COL7A1: variants seen among roughly 807,000 people sequenced by gnomAD.
COL7A1 encodes collagen type VII alpha 1 chain.
Under a neutral mutation model 456.2 loss-of-function variants are expected in COL7A1, and 296 were observed. The observed-to-expected ratio is 0.65, with a 90% CI of 0.59 to 0.71. COL7A1 has a LOEUF of 0.71. COL7A1 is among the 30% of genes least tolerant of loss of function. The pLI is 0.00. For synonymous variants in COL7A1, 1,464 were observed against 1,525.9 expected, an observed-to-expected ratio of 0.96 and a Z score of 0.95; for missense variants, 3,441 against 4,017.2, an observed-to-expected ratio of 0.86 and a Z score of 3.88.
In COL7A1 at chr3:48,592,666, G is replaced by A; in HGVS notation, c.880C>T (p.Leu294=). The A allele has an allele frequency of 1.2e-6, 2 of 1,613,804 alleles. No individual in the cohort carries two copies. The highest frequency in any genetic ancestry group is 1.7e-6 in the Non-Finnish European group (2 of 1,179,996). Residue 294 remains leucine (L), a synonymous_variant, in exon 8 of 119, where the codon CTG becomes TTG. Transcript: ENST00000681320. This position sits in a 1 kb window ranked among gnomAD's most constrained non-coding sequence, Gnocchi z 7.6. ...TCGGTCAGTGGCCGGAGACCCCGCA[G>A]CCGCACACTGGTCTCACCAGCTGGG... ...NVPAGETSVR[L]RGLRPLTEYQ... is the part of the protein sequence containing the mutation.
chr3:48,585,636 G>A lies in COL7A1; in HGVS notation c.3832-17C>T. Reference sequence around the variant, plus strand: ...GGTCCTGCCCTGAAAGAAGATAGCAGTTAGGTGGGGATAAGCCAGTCAGGG... The same window carrying A: ...GGTCCTGCCCTGAAAGAAGATAGCAATTAGGTGGGGATAAGCCAGTCAGGG... On this transcript the variant is annotated splice_polypyrimidine_tract_variant and intron_variant, in intron 31 of 118. Transcript: ENST00000681320. The surrounding 1 kb of genome is among the most constrained non-coding windows in gnomAD (Gnocchi z 4.5). 6.2e-7 allele frequency: 1 copy of A among 1,614,018 alleles called. No individual in the cohort carries two copies. The highest frequency in any genetic ancestry group is 1.1e-5 in the South Asian group (1 of 91,088).
Position 48,593,351 on chromosome 3 carries a change from C to CT in COL7A1, c.520+4dup. On this transcript the variant is annotated splice_donor_region_variant and intron_variant, in intron 5 of 118. Coordinates refer to ENST00000681320, the MANE Select transcript of COL7A1 (RefSeq NM_000094.4). This position sits in a 1 kb window ranked among gnomAD's most constrained non-coding sequence, Gnocchi z 4.4. ...GCTGACCTGTCACTCCTGCTCGGTC[C>CT]TTACCCACAGCAAATAGCTTGACCC... 2 of 1,614,066 alleles carry CT rather than the reference C, an allele frequency of 1.2e-6. No homozygotes were observed. The highest frequency in any genetic ancestry group is 2.2e-5 in the South Asian group (2 of 91,074).
Position 48,581,624 on chromosome 3 carries a change from G to C in COL7A1, c.4731C>G (p.Pro1577=). 1.2e-6 allele frequency: 2 copies of C among 1,614,182 alleles called. No homozygotes were observed. The highest frequency in any genetic ancestry group is 1.7e-6 in the Non-Finnish European group (2 of 1,180,044). Residue 1577 remains proline, a synonymous_variant, in exon 50 of 119, where the codon CCC becomes CCG. Coordinates refer to ENST00000681320, the MANE Select transcript of COL7A1 (RefSeq NM_000094.4). This position sits in a 1 kb window ranked among gnomAD's most constrained non-coding sequence, Gnocchi z 5.8. ...ATGVQGERGP[P]GLVLPGDPGP... is the part of the protein sequence containing the mutation. ...CAGGGTCTCCAGGAAGAACCAAGCC[G>C]GGTGGGCCCTGTGGATGGAAGGATA...
In COL7A1 at chr3:48,570,574, C is replaced by G; in HGVS notation, c.7344+65G>C. The G allele has an allele frequency of 6.2e-7, 1 of 1,613,522 alleles. No individual in the cohort carries two copies. Among genetic ancestry groups the G allele is most frequent in the Non-Finnish European group, 8.5e-7 (1 of 1,179,644 alleles). Reference sequence around the variant, plus strand: ...CCCAACACCCCACAGTGTGGCCCGCCCCATCCTAAGTCCTCACGAGGACAG... The same window carrying G: ...CCCAACACCCCACAGTGTGGCCCGCGCCATCCTAAGTCCTCACGAGGACAG... On this transcript the variant is annotated intron_variant, in intron 96 of 118. Transcript: ENST00000681320. This position sits in a 1 kb window ranked among gnomAD's most constrained non-coding sequence, Gnocchi z 5.5.
Position 48,579,830 on chromosome 3 carries a change from C to T in COL7A1, c.5125-16G>A, listed in dbSNP as rs776444474. On this transcript the variant is annotated splice_polypyrimidine_tract_variant and intron_variant, in intron 57 of 118. Coordinates refer to ENST00000681320, the MANE Select transcript of COL7A1 (RefSeq NM_000094.4). This position sits in a 1 kb window ranked among gnomAD's most constrained non-coding sequence, Gnocchi z 4.4. The stretch of plus-strand genomic sequence containing the variant: ...CTGTGTCTACCTGTGGGGGGAATGA[C>T]CAGTGAGAAGAATGGCTCAACAAGG... The T allele has an allele frequency of 1.2e-6, 2 of 1,613,850 alleles. No individual in the cohort carries two copies. Among genetic ancestry groups the T allele is most frequent in the East Asian group, 2.2e-5 (1 of 44,878 alleles).
Position 48,575,129 on chromosome 3 carries a change from G to T in COL7A1, c.6217-3C>A. 1.2e-6 allele frequency: 2 copies of T among 1,613,838 alleles called. No homozygotes were observed. The highest frequency in any genetic ancestry group is 8.5e-7 in the Non-Finnish European group (1 of 1,179,916). On this transcript the variant is annotated splice_polypyrimidine_tract_variant and splice_region_variant and intron_variant, in intron 75 of 118. Coordinates refer to ENST00000681320, the MANE Select transcript of COL7A1 (RefSeq NM_000094.4). The surrounding 1 kb of genome is among the most constrained non-coding windows in gnomAD (Gnocchi z 6.3). ...AGTCCAGGAGGGCCATCTCTGCCCT[G>T]CAGGAAACAAGAAAATGGGGTGGCA...
rs537748623 is a variant in COL7A1 at position 48,595,095 on chromosome 3, C to T, written c.65G>A (p.Arg22Gln). The T allele has an allele frequency of 1.8e-5, 28 of 1,552,508 alleles. No homozygotes were observed. The highest frequency in any genetic ancestry group is 3.6e-5 in the South Asian group (3 of 84,192). The stretch of plus-strand genomic sequence containing the variant: ...CCCACCTCTCTCCCTGTGCTGGGCT[C>T]GCACTCGGGGCGCCTCTGCCAGGAT... ...AGILAEAPRV[R>Q]AQHRERVTCT... Residue 22 changes from arginine to glutamine, a missense_variant, in exon 2 of 119, where the codon CGA becomes CAA. Around this residue, in one of 3 missense-constraint regions of COL7A1, gnomAD observed 913 missense variants for 1,088.2 expected, o/e 0.84. Coordinates refer to ENST00000681320, the MANE Select transcript of COL7A1 (RefSeq NM_000094.4).
rs770802348 is a variant in COL7A1, at chr3:48,566,640, G to C, written c.8304+20C>G. On this transcript the variant is annotated intron_variant, in intron 112 of 118. Coordinates refer to ENST00000681320, the MANE Select transcript of COL7A1 (RefSeq NM_000094.4). This position sits in a 1 kb window ranked among gnomAD's most constrained non-coding sequence, Gnocchi z 5.9. Reference sequence around the variant, plus strand: ...GAAGTCACCCCGATCTCTGACCCAAGCCTTGGAATCCCTACTCACCTGCTC... The same window carrying C: ...GAAGTCACCCCGATCTCTGACCCAACCCTTGGAATCCCTACTCACCTGCTC... The C allele has an allele frequency of 1.4e-5, 23 of 1,614,148 alleles. 1 individual carries two copies. The South Asian group carries it at 2.5e-4, about 18-fold the overall frequency.
chr3:48,590,080 TGAGGGAG>T lies in COL7A1; in HGVS notation c.2050+126_2050+132del. On this transcript the variant is annotated intron_variant, in intron 16 of 118. Coordinates refer to ENST00000681320, the MANE Select transcript of COL7A1 (RefSeq NM_000094.4). This position sits in a 1 kb window ranked among gnomAD's most constrained non-coding sequence, Gnocchi z 4.6. ...GAAACTGAAGAGGAAGCAGCGTCTC[TGAGGGAG>T]GAGGGAGTGGGATTCTGAAGGGGGA... 1 of 989,346 alleles carries T rather than the reference TGAGGGAG, an allele frequency of 1.0e-6. No individual in the cohort carries two copies. The highest frequency in any genetic ancestry group is 1.5e-6 in the Non-Finnish European group (1 of 670,430). The allele number at this position is 989,346 out of a possible 1,614,324, so 61.3% of individuals were successfully genotyped here. A position where few individuals can be genotyped will look rare whatever the true frequency, so the allele number is the denominator to read the frequency against.
rs1215121942 is a variant in COL7A1 at position 48,566,649 on chromosome 3, T to C, written c.8304+11A>G. Reference sequence around the variant, plus strand: ...CCGATCTCTGACCCAAGCCTTGGAATCCCTACTCACCTGCTCCCCTCTCTC... The same window carrying C: ...CCGATCTCTGACCCAAGCCTTGGAACCCCTACTCACCTGCTCCCCTCTCTC... On this transcript the variant is annotated intron_variant, in intron 112 of 118. Transcript: ENST00000681320. This position sits in a 1 kb window ranked among gnomAD's most constrained non-coding sequence, Gnocchi z 5.9. 9 of 1,613,948 alleles carry C rather than the reference T, an allele frequency of 5.6e-6. No homozygotes were observed. Among genetic ancestry groups the C allele is most frequent in the African/African-American group, 2.7e-5 (2 of 74,900 alleles).
chr3:48,574,689 G>C lies in COL7A1; in HGVS notation c.6381C>G (p.Pro2127=), dbSNP rs1379032884. ...GEPGSNGDQG[P]KGDRGVPGIK... ...AGAGAGGCCTCACCCTGTCTCCTTTGGGACCTTGGTCACCATTGCTGCCCG... is the reference window on the plus strand; with the variant it reads ...AGAGAGGCCTCACCCTGTCTCCTTTCGGACCTTGGTCACCATTGCTGCCCG... The change falls in exon 78 of 119, where the codon CCC becomes CCG. Residue 2127 remains proline, a synonymous_variant. Coordinates refer to ENST00000681320, the MANE Select transcript of COL7A1 (RefSeq NM_000094.4). The surrounding 1 kb of genome is among the most constrained non-coding windows in gnomAD (Gnocchi z 5.0). The C allele has an allele frequency of 6.2e-7, 1 of 1,613,924 alleles. No homozygotes were observed. Among genetic ancestry groups the C allele is most frequent in the Non-Finnish European group, 8.5e-7 (1 of 1,180,006 alleles).
rs756141131 is a variant in COL7A1, at chr3:48,570,944, G to A, written c.7189C>T (p.Pro2397Ser). The stretch of plus-strand genomic sequence containing the variant: ...AACCCAACAACACCAGGAGCACCGG[G>A]CAGGCCAGGGAGGCCCAGATCTCCC... ...VKGDLGLPGL[P>S]GAPGVVGFPG... The change falls in exon 95 of 119, where the codon CCC becomes TCC. Residue 2397 changes from proline (P) to serine (S), a missense_variant. Transcript: ENST00000681320. The surrounding 1 kb of genome is among the most constrained non-coding windows in gnomAD (Gnocchi z 5.5). 6.2e-7 allele frequency: 1 copy of A among 1,613,690 alleles called. No homozygotes were observed. The highest frequency in any genetic ancestry group is 1.7e-5 in the Admixed American group (1 of 59,974).
At position 48,583,260 on chromosome 3, in the gene COL7A1, C is replaced by A; in HGVS notation, c.4438-89G>T. On this transcript the variant is annotated intron_variant, in intron 42 of 118. Coordinates refer to ENST00000681320, the MANE Select transcript of COL7A1 (RefSeq NM_000094.4). This position sits in a 1 kb window ranked among gnomAD's most constrained non-coding sequence, Gnocchi z 5.1. ...AACCCCAGACAAGGGGTCCCAAACT[C>A]CAACCACCCCCTCCAAAACCACGAC... The A allele has an allele frequency of 6.2e-7, 1 of 1,602,178 alleles. No individual in the cohort carries two copies. The highest frequency in any genetic ancestry group is 1.3e-5 in the African/African-American group (1 of 74,514).
chr3:48,595,018 G>C, intron 2 of COL7A1, 57 bp downstream of exon 2: 1 of 1,391,768 alleles, frequency 7.2e-7, no homozygotes, highest in Non-Finnish European at 9.9e-7. Flanking sequence ...AGGCCGAGTG[G>C]AGCGGAGGGT....
Position 48,583,684 on chromosome 3 carries a change from C to A in COL7A1, c.4341+34G>T. The A allele has an allele frequency of 1.2e-6, 2 of 1,613,898 alleles. No homozygotes were observed. Among genetic ancestry groups the A allele is most frequent in the Non-Finnish European group, 1.7e-6 (2 of 1,179,868 alleles). ...GCCCCCAGCACGCAGCCTCCCACCC[C>A]AGAACTGGGACATCATCAAGTCAGC... On this transcript the variant is annotated intron_variant, in intron 40 of 118. Transcript: ENST00000681320. The surrounding 1 kb of genome is among the most constrained non-coding windows in gnomAD (Gnocchi z 5.1).
chr3:48,588,685 G>T lies in COL7A1; in HGVS notation c.2544C>A (p.Val848=). Reference sequence around the variant, plus strand: ...AGACAGGTGTGCCCTCGCGGTCCCCGACAAGTGCAGTCACTCGCACTGAGT... The same window carrying T: ...AGACAGGTGTGCCCTCGCGGTCCCCTACAAGTGCAGTCACTCGCACTGAGT... ...VSYSVRVTAL[V]GDREGTPVSI... Residue 848 remains valine (V), a synonymous_variant, in exon 20 of 119, where the codon GTC becomes GTA. Coordinates refer to ENST00000681320, the MANE Select transcript of COL7A1 (RefSeq NM_000094.4). This position sits in a 1 kb window ranked among gnomAD's most constrained non-coding sequence, Gnocchi z 4.6. 6.2e-7 allele frequency: 1 copy of T among 1,613,862 alleles called. No homozygotes were observed. Among genetic ancestry groups the T allele is most frequent in the Non-Finnish European group, 8.5e-7 (1 of 1,180,046 alleles).
Position 48,564,930 on chromosome 3 carries a change from G to A in COL7A1, c.8671C>T (p.Arg2891Cys), listed in dbSNP as rs748706824. The A allele has an allele frequency of 9.3e-6, 15 of 1,614,092 alleles. No homozygotes were observed. The highest frequency in any genetic ancestry group is 5.3e-5 in the African/African-American group (4 of 74,932). The part of the protein sequence containing the change: ...DEGSCTAYTL[R>C]WYHRAVTGST... ...CCTGTCACAGCCCGATGGTACCAGC[G>A]CAGGGTGTAGGCAGTGCAGGAGCCC... Residue 2891 changes from arginine to cysteine, a missense_variant, in exon 118 of 119, where the codon CGC becomes TGC. By Grantham distance (180) the Arg-to-Cys change is radical (BLOSUM62 -3). Around this residue, in one of 3 missense-constraint regions of COL7A1, gnomAD observed 2,084 missense variants for 2,501.3 expected, o/e 0.83. Coordinates refer to ENST00000681320, the MANE Select transcript of COL7A1 (RefSeq NM_000094.4). This position sits in a 1 kb window ranked among gnomAD's most constrained non-coding sequence, Gnocchi z 6.0.
rs375952888 is a variant in COL7A1, at chr3:48,572,843, C to T, written c.6831+19G>A. The T allele has an allele frequency of 3.7e-6, 6 of 1,613,636 alleles. No individual in the cohort carries two copies. The African/African-American group carries it at 6.7e-5, about 18-fold the overall frequency. ...CAGCTGGGCACCACACCCTAGCGAG[C>T]TGCCCCCAGAACACATACTGGCACA... On this transcript the variant is annotated intron_variant, in intron 87 of 118. Transcript: ENST00000681320. This position sits in a 1 kb window ranked among gnomAD's most constrained non-coding sequence, Gnocchi z 4.6.
chr3:48,569,357 C>T lies in COL7A1; in HGVS notation c.7686+18G>A. 1.2e-6 allele frequency: 2 copies of T among 1,613,286 alleles called. No individual in the cohort carries two copies. Among genetic ancestry groups the T allele is most frequent in the Non-Finnish European group, 1.7e-6 (2 of 1,179,262 alleles). On this transcript the variant is annotated intron_variant, in intron 103 of 118. Transcript: ENST00000681320. This position sits in a 1 kb window ranked among gnomAD's most constrained non-coding sequence, Gnocchi z 4.9. Reference sequence around the variant, plus strand: ...GCCACAGGACCCCACAGAGAGTACACCACCCTCTTCCCTGTACCTTGTCAC... The same window carrying T: ...GCCACAGGACCCCACAGAGAGTACATCACCCTCTTCCCTGTACCTTGTCAC...
Sources: gnomAD v4.1 joint callset for allele counts on GRCh38, gnomAD v4.1.1 for gene constraint, gnomAD v4.1.1 regional missense constraint, Gnocchi (gnomAD v3.1) non-coding constraint, MANE v1.5 for transcripts, NCBI Gene and HGNC (gene_info 2026-07-23, HGNC 2026-07-21) for gene names.